The following OPCML variants were observed in gnomAD, a reference collection of about 807,000 sequenced individuals.
OPCML encodes opioid binding protein/cell adhesion molecule like.
In OPCML, 13 loss-of-function variants were observed where a neutral mutation model predicts 37.8. The ratio of observed to expected loss-of-function variants is 0.34; its 90% CI spans 0.22 to 0.55. The LOEUF (loss-of-function observed/expected upper bound fraction) is 0.55, where lower values mean the gene tolerates loss of function less well. OPCML is among the 20% of genes least tolerant of loss of function. The pLI, the probability that OPCML is intolerant of heterozygous loss-of-function variation, is 0.91. For synonymous variants in OPCML, 176 were observed against 168.8 expected (o/e 1.04, Z -0.33); for missense variants, 341 against 435.6 (o/e 0.78, Z 1.93).
chr11:133,479,150 T>C (rs1371067705), intron 1 of OPCML, among the ~76,000 whole-genome samples: 3 of 152,234 alleles, frequency 2.0e-5, no homozygotes, highest in African/African-American at 2.4e-5. Context: ...AGTTGGTCCA[T>C]GAGCTGCCTG....
rs1311765213 is a variant in OPCML, at chr11:132,667,289, C to G, written c.147-9970G>C. 3.9e-5 allele frequency among the ~76,000 whole-genome samples: 6 copies of G among 152,162 alleles called. No individual in the cohort carries two copies. The East Asian group carries it at 1.2e-3, about 29-fold the overall frequency. ...CTATTGGGTGCTGGGATGTTTCTAA[C>G]TTTTGTTAGCCTGCATATCACCTGT... On this transcript the variant is annotated intron_variant, in intron 2 of 7. Transcript: ENST00000524381.
At chr11:132,469,999 A>C (rs987859202) in intron 4 of OPCML, among the ~76,000 whole-genome samples, 8 of 151,888 alleles carry the variant, frequency 5.3e-5, no homozygotes, top group African/African-American at 1.9e-4. Flanking sequence ...TCATAAGAAG[A>C]AGCCAAACAG....
At chr11:132,562,412 G>A (rs1261673146) in intron 3 of OPCML, among the ~76,000 whole-genome samples, 4 of 151,966 alleles carry the variant, frequency 2.6e-5, no homozygotes, top group African/African-American at 9.7e-5. Context: ...TTCAAGTAGA[G>A]TGGCTCTTGA....
At chr11:132,894,916 C>G (rs959714833) in intron 2 of OPCML, among the ~76,000 whole-genome samples, 10 of 152,194 alleles carry the variant, frequency 6.6e-5, no homozygotes, top group Admixed American at 3.9e-4. Context: ...CACAGGACTT[C>G]TCAGCCTCAG....
chr11:132,984,788 T>A (rs1946654653), intron 1 of OPCML, among the ~76,000 whole-genome samples: 1 of 152,198 alleles, frequency 6.6e-6, no homozygotes, highest in South Asian at 2.1e-4. Flanking sequence ...ACAGTAAGAA[T>A]CCTGAGAACT....
rs1214661476 is a variant in OPCML at position 133,206,027 on chromosome 11, A to G, written c.62-263017T>C. Reference sequence around the variant, plus strand: ...TGCTACTACTGCCGTGAGGAATACAAGAGCTAATGTACATACATGATGTAG... The same window carrying G: ...TGCTACTACTGCCGTGAGGAATACAGGAGCTAATGTACATACATGATGTAG... On this transcript the variant is annotated intron_variant, in intron 1 of 7. Transcript: ENST00000524381. The surrounding 1 kb of genome is among the most constrained non-coding windows in gnomAD (Gnocchi z 4.7). Among the ~76,000 whole-genome samples, 1 of 152,218 alleles carries G rather than the reference A, an allele frequency of 6.6e-6. No individual in the cohort carries two copies.
At chr11:133,458,941 T>C (rs1288079920) in intron 1 of OPCML, among the ~76,000 whole-genome samples, 2 of 151,536 alleles carry the variant, frequency 1.3e-5, no homozygotes, top group African/African-American at 4.9e-5. Flanking sequence ...TAAACATAAA[T>C]ACATTAACAG....
intron 2 of OPCML, among the ~76,000 whole-genome samples, chr11:132,704,252 C>T (rs1321579754): frequency 2.0e-5 from 3 of 152,198 alleles, no homozygotes; most frequent in East Asian, 1.9e-4. Context: ...GGATTCAGAA[C>T]ATTTCTCTCT....
At chr11:133,343,354 T>A (rs1943920632) in intron 1 of OPCML, among the ~76,000 whole-genome samples, 1 of 152,308 alleles carries the variant, frequency 6.6e-6, no homozygotes, top group East Asian at 1.9e-4. Flanking sequence ...CATCTACCCA[T>A]GTCACTCCCA....
Position 133,206,103 on chromosome 11 carries a change from G to A in OPCML, c.62-263093C>T, listed in dbSNP as rs778329006. 6.6e-6 allele frequency among the ~76,000 whole-genome samples: 1 copy of A among 152,178 alleles called. No individual in the cohort carries two copies. The highest frequency in any genetic ancestry group is 1.5e-5 in the Non-Finnish European group (1 of 68,040). ...CATTTAATAATAACTGTATTATTCT[G>A]TAAATCAGGGTGATGATATTGGCTA... On this transcript the variant is annotated intron_variant, in intron 1 of 7. Coordinates refer to ENST00000524381, the MANE Select transcript of OPCML (RefSeq NM_001012393.5). This position sits in a 1 kb window ranked among gnomAD's most constrained non-coding sequence, Gnocchi z 4.7.
At chr11:132,713,203 G>A (rs1042837146) in intron 2 of OPCML, among the ~76,000 whole-genome samples, 1 of 152,100 alleles carries the variant, frequency 6.6e-6, no homozygotes, top group Non-Finnish European at 1.5e-5. Context: ...ATGACACGAC[G>A]CTTCGTAATT....
At chr11:132,452,122 T>A (rs2096069776) in intron 4 of OPCML, among the ~76,000 whole-genome samples, 1 of 152,094 alleles carries the variant, frequency 6.6e-6, no homozygotes, top group Non-Finnish European at 1.5e-5. Flanking sequence ...CCCTGCCCCA[T>A]CCCCAAAAAT....
intron 1 of OPCML, among the ~76,000 whole-genome samples, chr11:133,413,032 G>A (rs1443489554): frequency 6.6e-6 from 1 of 152,138 alleles, no homozygotes; most frequent in Non-Finnish European, 1.5e-5. Flanking sequence ...GTTGATGAGT[G>A]CAGCTGACCC....
intron 4 of OPCML, among the ~76,000 whole-genome samples, chr11:132,444,447 G>A (rs2096047522): frequency 6.6e-6 from 1 of 152,186 alleles, no homozygotes; most frequent in Non-Finnish European, 1.5e-5. Flanking sequence ...TAGAGTTTTA[G>A]CATTTGGGAC....
intron 4 of OPCML, among the ~76,000 whole-genome samples, chr11:132,528,718 A>G (rs940726027): frequency 2.0e-5 from 3 of 152,120 alleles, no homozygotes; most frequent in Non-Finnish European, 2.9e-5. Flanking sequence ...CCACGCTAAT[A>G]CTCTTGCACT....
intron 2 of OPCML, among the ~76,000 whole-genome samples, chr11:132,731,300 T>A (rs1235861279): frequency 6.6e-6 from 1 of 152,218 alleles, no homozygotes; most frequent in Admixed American, 6.5e-5. Flanking sequence ...GGAATGAATA[T>A]GGACCCAAAC....
chr11:133,080,503 A>T (rs1281747360), intron 1 of OPCML, among the ~76,000 whole-genome samples: 2 of 139,330 alleles, frequency 1.4e-5, no homozygotes, highest in Non-Finnish European at 3.1e-5. Flanking sequence ...TTCCTAAAAT[A>T]GGCTTTAGTC....
intron 1 of OPCML, among the ~76,000 whole-genome samples, chr11:133,462,036 G>T: frequency 6.6e-6 from 1 of 151,616 alleles, no homozygotes; most frequent in Non-Finnish European, 1.5e-5. Flanking sequence ...AGAAAATATA[G>T]TCTTTTCAAT....
intron 6 of OPCML, 25 bp downstream of exon 6, chr11:132,436,634 T>C (rs1245418805): frequency 6.2e-7 from 1 of 1,612,402 alleles, no homozygotes; most frequent in Non-Finnish European, 8.5e-7. Context: ...GCTTCAGAAC[T>C]GTCCAGGTGT....
Sources: gnomAD v4.1 joint callset for allele counts (sites outside exome capture counted in the v4.1 genomes callset) on GRCh38, gnomAD v4.1.1 for gene constraint, Gnocchi (gnomAD v3.1) non-coding constraint, MANE v1.5 for transcripts, NCBI Gene and HGNC (gene_info 2026-07-23, HGNC 2026-07-21) for gene names.